CACNA1A: variants seen among roughly 807,000 people sequenced by gnomAD.
CACNA1A encodes calcium voltage-gated channel subunit alpha1 A, also known as voltage-dependent P/Q-type calcium channel subunit alpha-1A.
A neutral mutation model predicts 262.4 loss-of-function variants in CACNA1A; 57 were observed. That is an observed-to-expected ratio of 0.22 (90% confidence interval 0.18 to 0.27). The LOEUF is 0.27. Ranked by LOEUF, CACNA1A falls within the 10% of genes least tolerant of loss-of-function variation. The probability of loss-of-function intolerance (pLI) is 1.00; values close to 1 mark genes in which losing one functional copy is unlikely to be tolerated. For missense variants in CACNA1A, 2,526 were observed against 3,562.8 expected (o/e 0.71, Z 7.41); for synonymous variants, 1,431 against 1,419.3 (o/e 1.01, Z -0.18).
intron 3 of CACNA1A, among the ~76,000 whole-genome samples, chr19:13,403,324 T>C (rs1217446053): frequency 6.6e-6 from 1 of 152,198 alleles, no homozygotes; most frequent in Non-Finnish European, 1.5e-5. Flanking sequence ...CTCATTTGCA[T>C]GCTCAAAGCA....
At chr19:13,490,682 GAGAA>G (rs1213388768) in intron 1 of CACNA1A, among the ~76,000 whole-genome samples, 5 of 105,904 alleles carry the variant, frequency 4.7e-5, no homozygotes, top group African/African-American at 2.1e-4. Context: ...GAGAGAGAGA[GAGAA>G]AGAAAGGAAA....
chr19:13,285,938 C>T (rs560289688), intron 20 of CACNA1A, among the ~76,000 whole-genome samples: 19 of 151,420 alleles, frequency 1.3e-4, no homozygotes, highest in African/African-American at 4.4e-4. Context: ...ACATAATCCA[C>T]CCAGCAGTTC....
chr19:13,246,214 A>G (rs1177045574), intron 30 of CACNA1A, among the ~76,000 whole-genome samples: 2 of 152,114 alleles, frequency 1.3e-5, no homozygotes, highest in Admixed American at 1.3e-4. Context: ...CCTGATCTGG[A>G]GGCGGACAGT....
chr19:13,496,671 C>G (rs1981571902), intron 1 of CACNA1A, among the ~76,000 whole-genome samples: 1 of 152,126 alleles, frequency 6.6e-6, no homozygotes, highest in African/African-American at 2.4e-5. Flanking sequence ...TAACAGAGAT[C>G]AAGGGAGTTG....
At chr19:13,382,055 T>C (rs2059533075) in intron 3 of CACNA1A, among the ~76,000 whole-genome samples, 1 of 152,128 alleles carries the variant, frequency 6.6e-6, no homozygotes, top group Non-Finnish European at 1.5e-5. Flanking sequence ...CTGATAAGCC[T>C]GGACCAGGGA....
At chr19:13,409,295 T>A (rs1368262303) in intron 3 of CACNA1A, among the ~76,000 whole-genome samples, 1 of 151,508 alleles carries the variant, frequency 6.6e-6, no homozygotes. Flanking sequence ...GATGAGGTCA[T>A]GGTAGGAGAT....
At chr19:13,387,783 C>T (rs1312180231) in intron 3 of CACNA1A, among the ~76,000 whole-genome samples, 1 of 152,038 alleles carries the variant, frequency 6.6e-6, no homozygotes, top group Non-Finnish European at 1.5e-5. Flanking sequence ...AGTTTGAGCC[C>T]AAGAGTTTGA....
chr19:13,465,300 C>G (rs1028510499), intron 1 of CACNA1A, among the ~76,000 whole-genome samples: 2 of 152,154 alleles, frequency 1.3e-5, no homozygotes, highest in Admixed American at 1.3e-4. Flanking sequence ...ACAGACCTCT[C>G]AAATCTGAAA....
chr19:13,334,593 T>TTG lies in CACNA1A; in HGVS notation c.1083-102_1083-101dup, dbSNP rs138143360. The TTG allele has an allele frequency of 9.8e-5, 50 of 508,042 alleles. 1 individual carries two copies. Among genetic ancestry groups the TTG allele is most frequent in the South Asian group, 1.5e-4 (6 of 38,924 alleles). The allele number at this position is 508,042 out of a possible 1,614,324, so 31.5% of individuals were successfully genotyped here. On this transcript the variant is annotated intron_variant, in intron 7 of 46. Transcript: ENST00000360228. ...TGTGTGTGTGTGTGTGTGTGTGTGT[T>TTG]TGTGTGTGTGTGTGTGTTTGGGGAT... is the stretch of plus-strand genomic sequence containing the variant.
chr19:13,323,688 G>GT (rs1336459349), intron 10 of CACNA1A, among the ~76,000 whole-genome samples: 1 of 152,026 alleles, frequency 6.6e-6, no homozygotes, highest in Non-Finnish European at 1.5e-5. Flanking sequence ...CAGATGTATT[G>GT]TTTGCAAACG....
At chr19:13,263,893 G>A (rs1178654210) in intron 24 of CACNA1A, among the ~76,000 whole-genome samples, 7 of 152,084 alleles carry the variant, frequency 4.6e-5, no homozygotes, top group Admixed American at 1.3e-4. Context: ...CTTCCAATGG[G>A]ATTCTGGAAG....
In CACNA1A at chr19:13,226,262, G is replaced by GAC. The variant is rs2055440767; in HGVS notation, c.5625+1168_5625+1169insGT. 1.5e-5 allele frequency: 2 copies of GAC among 132,798 alleles called. 1 individual carries two copies. Among genetic ancestry groups the GAC allele is most frequent in the African/African-American group, 5.7e-5 (2 of 35,324 alleles). 8.2% of individuals were successfully genotyped at this position (132,798 alleles called of 1,614,324 possible). On this transcript the variant is annotated intron_variant, in intron 37 of 46. Transcript: ENST00000360228. ...GCGACTTGAGGAAAACCGGGGGGGG[G>GAC]GGGGGGGGCGGCAGGGAGGGGCACA...
Position 13,286,627 on chromosome 19 carries a change from G to C in CACNA1A, c.3429C>G (p.Ser1143Arg), listed in dbSNP as rs746195332. 5.9e-6 allele frequency: 9 copies of C among 1,527,482 alleles called. No homozygotes were observed. The highest frequency in any genetic ancestry group is 7.0e-6 in the Non-Finnish European group (8 of 1,137,792). The allele number at this position is 1,527,482 out of a possible 1,614,324, so 94.6% of individuals were successfully genotyped here. Residue 1143 changes from serine to arginine, a missense_variant, in exon 20 of 47, where the codon AGC becomes AGG. By Grantham distance (110) the Ser-to-Arg change is moderately radical. This residue lies in a region of CACNA1A where 765 missense variants were observed against 748.6 expected (regional missense o/e 1.02). Coordinates refer to ENST00000360228, the MANE Select transcript of CACNA1A (RefSeq NM_001127222.2). ...NPGPPKTPEN[S>R]LIVTNPSGTQ... ...TGCCGCTGGGGTTGGTGACGATAAG[G>C]CTATTCTCGGGGGTCTTGGGGGGGC...
intron 3 of CACNA1A, among the ~76,000 whole-genome samples, chr19:13,403,282 C>G (rs1434268034): frequency 6.6e-6 from 1 of 151,972 alleles, no homozygotes; most frequent in African/African-American, 2.4e-5. Flanking sequence ...TGTTCTTTGC[C>G]TGGGACATTC....
intron 36 of CACNA1A, chr19:13,228,605 GATATATAT>G: frequency 1.1e-5 from 1 of 90,172 alleles, no homozygotes; most frequent in Non-Finnish European, 2.3e-5. Flanking sequence ...GAGAGAGAGA[GATATATAT>G]ATATATATAT....
At chr19:13,413,595 A>T (rs2060155851) in intron 3 of CACNA1A, among the ~76,000 whole-genome samples, 1 of 129,016 alleles carries the variant, frequency 7.8e-6, no homozygotes, top group African/African-American at 3.1e-5. Context: ...AAAAAAAAAA[A>T]GGCCAGGCAC....
At chr19:13,496,216 A>G (rs1208246199) in intron 1 of CACNA1A, among the ~76,000 whole-genome samples, 1 of 152,246 alleles carries the variant, frequency 6.6e-6, no homozygotes, top group Non-Finnish European at 1.5e-5. Flanking sequence ...AAAAATTTGC[A>G]TTCTGACAAC....
intron 15 of CACNA1A, among the ~76,000 whole-genome samples, chr19:13,304,512 CTCA>C (rs1386925666): frequency 1.3e-5 from 2 of 151,898 alleles, no homozygotes; most frequent in Non-Finnish European, 2.9e-5. Flanking sequence ...GTCCCAGCTA[CTCA>C]AGGGGCTGAG....
At position 13,448,571 on chromosome 19, in the gene CACNA1A, C is replaced by T. The variant is rs141766907; in HGVS notation, c.539+4305G>A. Among the ~76,000 whole-genome samples the T allele has an allele frequency of 6.8e-3, 1,037 of 152,282 alleles. 18 individuals are homozygous for T. The highest frequency in any genetic ancestry group is 0.023 in the African/African-American group (939 of 41,540). On this transcript the variant is annotated intron_variant, in intron 3 of 46. Transcript: ENST00000360228. The stretch of plus-strand genomic sequence containing the variant: ...TTCCTGCCAGCAAGGTCAAGCCAGC[C>T]TCAGCCAGCAGAAGCCAGCCCCCAG...
Sources: gnomAD v4.1 joint callset for allele counts (sites outside exome capture counted in the v4.1 genomes callset) on GRCh38, gnomAD v4.1.1 for gene constraint, gnomAD v4.1.1 regional missense constraint, MANE v1.5 for transcripts, NCBI Gene and HGNC (gene_info 2026-07-23, HGNC 2026-07-21) for gene names.